Variants in PHTF2 observed in about 807,000 individuals in gnomAD.
The protein encoded by PHTF2 is putative homeodomain transcription factor 2, also known as protein PHTF2.
PHTF2 carries 60 observed loss-of-function variants against 101.2 expected under a neutral mutation model. The ratio of observed to expected loss-of-function variants is 0.59; its 90% CI spans 0.48 to 0.73. The LOEUF is 0.73. PHTF2 is among the 30% of genes least tolerant of loss of function. PHTF2 has a pLI of 0.00. For missense variants in PHTF2, 747 were observed against 908.7 expected (o/e 0.82, Z 2.29); for synonymous variants, 311 against 307.3 (o/e 1.01, Z -0.13).
At chr7:77,878,802 A>G (rs1456532862) in intron 3 of PHTF2, among the ~76,000 whole-genome samples, 2 of 152,204 alleles carry the variant, frequency 1.3e-5, no homozygotes, top group African/African-American at 4.8e-5. Context: ...TGGGTATTGA[A>G]TCAACTAGAT....
intron 3 of PHTF2, among the ~76,000 whole-genome samples, chr7:77,868,959 A>G (rs772942034): frequency 1.4e-4 from 22 of 152,212 alleles, no homozygotes; most frequent in Admixed American, 3.3e-4. Context: ...ACACATAAAT[A>G]TAGATCCTAT....
chr7:77,872,204 A>T (rs896937363), intron 3 of PHTF2, among the ~76,000 whole-genome samples: 1 of 152,008 alleles, frequency 6.6e-6, no homozygotes, highest in Non-Finnish European at 1.5e-5. Flanking sequence ...CACTTTGTTC[A>T]TGGGCCCATT....
intron 3 of PHTF2, among the ~76,000 whole-genome samples, chr7:77,857,274 G>A (rs1252048738): frequency 6.6e-6 from 1 of 152,202 alleles, no homozygotes; most frequent in Non-Finnish European, 1.5e-5. Flanking sequence ...GGAGAAAGTT[G>A]TGGAAAGAAG....
chr7:77,951,241 C>T (rs746881729), intron 17 of PHTF2, among the ~76,000 whole-genome samples: 3 of 152,074 alleles, frequency 2.0e-5, no homozygotes, highest in African/African-American at 4.8e-5. Context: ...GATTTCAATA[C>T]CAGCCTGGGC....
In PHTF2 at chr7:77,822,835, GA is replaced by G. The variant is rs1265638432; in HGVS notation, c.-35-17385del. On this transcript the variant is annotated intron_variant, in intron 1 of 19. Transcript: ENST00000416283. ...TGCCTAGGTTCTTTCTTATTGGGGG[GA>G]TGAGTGCTGGGTGTCTCTAGTCAGT... 2.0e-5 allele frequency among the ~76,000 whole-genome samples: 3 copies of G among 152,138 alleles called. No individual in the cohort carries two copies. The East Asian group carries it at 5.8e-4, about 29-fold the overall frequency.
intron 3 of PHTF2, among the ~76,000 whole-genome samples, chr7:77,870,083 G>T (rs1798392406): frequency 6.6e-6 from 1 of 151,934 alleles, no homozygotes; most frequent in Admixed American, 6.6e-5. Context: ...AAGCTTTTTA[G>T]TTTCATGTAA....
At chr7:77,894,279 T>C (rs1800699177) in intron 5 of PHTF2, among the ~76,000 whole-genome samples, 1 of 152,210 alleles carries the variant, frequency 6.6e-6, no homozygotes, top group South Asian at 2.1e-4. Context: ...AATTTATTGT[T>C]TCCCAGCACT....
At chr7:77,873,010 A>G (rs1409840991) in intron 3 of PHTF2, among the ~76,000 whole-genome samples, 2 of 151,990 alleles carry the variant, frequency 1.3e-5, no homozygotes, top group African/African-American at 2.4e-5. Flanking sequence ...GCTCACTGCA[A>G]CCTCTGCCTC....
At chr7:77,947,591 A>G (rs1425655919) in intron 16 of PHTF2, among the ~76,000 whole-genome samples, 1 of 152,038 alleles carries the variant, frequency 6.6e-6, no homozygotes, top group African/African-American at 2.4e-5. Flanking sequence ...AAGGTATACA[A>G]TGTTAGTCAC....
intron 3 of PHTF2, among the ~76,000 whole-genome samples, chr7:77,875,966 T>C (rs961524291): frequency 6.6e-6 from 1 of 152,222 alleles, no homozygotes; most frequent in Non-Finnish European, 1.5e-5. Flanking sequence ...ATTACTGCTA[T>C]TATCCTGATT....
exon 13 of PHTF2, chr7:77,937,719 C>G: frequency 7.5e-7 from 1 of 1,330,954 alleles, no homozygotes; most frequent in South Asian, 1.8e-5. Context: ...GAGTCATTTG[C>G]CCTGGCTCCA....
rs567905432 is a variant in PHTF2, at chr7:77,936,618, G to A, written c.1339-1092G>A. ...GAACCTGGGAGGCGGAGGTTGCAGT[G>A]AGCTGAGATCGCACCATTGCACTCC... On this transcript the variant is annotated intron_variant, in intron 12 of 19. Coordinates refer to ENST00000416283, the Ensembl canonical transcript of PHTF2. Among the ~76,000 whole-genome samples the A allele has an allele frequency of 2.0e-5, 3 of 152,058 alleles. No homozygotes were observed. The East Asian group carries it at 5.8e-4, about 30-fold the overall frequency.
chr7:77,919,020 A>C (rs1304576700), intron 9 of PHTF2, among the ~76,000 whole-genome samples: 1 of 152,206 alleles, frequency 6.6e-6, no homozygotes, highest in East Asian at 1.9e-4. Context: ...GAGTGTGTTA[A>C]AAAATCCTAA....
intron 3 of PHTF2, among the ~76,000 whole-genome samples, chr7:77,877,980 T>C (rs545250965): frequency 1.3e-5 from 2 of 152,286 alleles, no homozygotes; most frequent in South Asian, 4.1e-4. Context: ...AACACAGATG[T>C]GGAGGTTGGT....
rs919176454 is a variant in PHTF2 at position 77,940,740 on chromosome 7, C to T, written c.1872+81C>T. ...AGTTTCTTTATCAATATATATTTGT[C>T]TCTAGATGTATAGTAACCAGCTTTT... On this transcript the variant is annotated intron_variant, in intron 15 of 19. Transcript: ENST00000416283. 4.1e-6 allele frequency: 4 copies of T among 983,182 alleles called. No homozygotes were observed. In the African/African-American group the frequency reaches 5.0e-5, roughly 12 times the overall value. The allele number at this position is 983,182 out of a possible 1,614,324, so 60.9% of individuals were successfully genotyped here. A position where few individuals can be genotyped will look rare whatever the true frequency, so the allele number is the denominator to read the frequency against.
At chr7:77,931,095 AG>A (rs1804525330) in intron 12 of PHTF2, among the ~76,000 whole-genome samples, 1 of 152,214 alleles carries the variant, frequency 6.6e-6, no homozygotes, top group African/African-American at 2.4e-5. Flanking sequence ...TATGGTTGTG[AG>A]TCAAATGATT....
chr7:77,853,604 G>A (rs550911680), intron 2 of PHTF2, among the ~76,000 whole-genome samples: 1 of 151,964 alleles, frequency 6.6e-6, no homozygotes, highest in South Asian at 2.1e-4. Context: ...ATGTTGCCCC[G>A]GCTGGTCTCA....
In PHTF2 at chr7:77,863,536, A is replaced by G. The variant is rs140230053; in HGVS notation, c.147+8702A>G. Among the ~76,000 whole-genome samples, 92 of 152,240 alleles carry G rather than the reference A, an allele frequency of 6.0e-4. 1 individual carries two copies. The highest frequency in any genetic ancestry group is 2.2e-3 in the African/African-American group (90 of 41,544). On this transcript the variant is annotated intron_variant, in intron 3 of 19. Coordinates refer to ENST00000416283, the Ensembl canonical transcript of PHTF2. ...CATATAAGGAAAATTCAGTACATTT[A>G]GTTTTACCTATAGAGATTGATTTTT...
chr7:77,806,391 A>G (rs7809388), intron 1 of PHTF2, among the ~76,000 whole-genome samples: 10 of 152,204 alleles, frequency 6.6e-5, no homozygotes, highest in East Asian at 1.9e-4. Flanking sequence ...TACTTGGTCA[A>G]TTGGATCCCT....
Sources: gnomAD v4.1 joint callset for allele counts (sites outside exome capture counted in the v4.1 genomes callset) on GRCh38, gnomAD v4.1.1 for gene constraint, MANE v1.5 for transcripts, NCBI Gene and HGNC (gene_info 2026-07-23, HGNC 2026-07-21) for gene names.